SRGAP1: variants seen among roughly 807,000 people sequenced by gnomAD.
The protein encoded by SRGAP1 is SLIT-ROBO Rho GTPase activating protein 1.
Under a neutral mutation model 121.9 loss-of-function variants are expected in SRGAP1, and 43 were observed. That is an observed-to-expected ratio of 0.35 (90% CI 0.28 to 0.46). The LOEUF (loss-of-function observed/expected upper bound fraction) is 0.46. Among genes scored for constraint, SRGAP1 ranks in the 20% least tolerant of loss-of-function variants. The pLI is 1.00. For missense variants in SRGAP1, 1,102 were observed against 1,350.9 expected (o/e 0.82, Z 2.89); for synonymous variants, 447 against 485.4 (o/e 0.92, Z 1.04).
intron 15 of SRGAP1, among the ~76,000 whole-genome samples, chr12:64,106,046 G>A (rs2036340006): frequency 6.6e-6 from 1 of 152,234 alleles, no homozygotes; most frequent in African/African-American, 2.4e-5. Flanking sequence ...TAGAGACAAT[G>A]TATTCCTCTG....
At chr12:63,879,539 CAT>C (rs1900127615) in intron 1 of SRGAP1, 1 of 152,182 alleles carries the variant, frequency 6.6e-6, no homozygotes, top group African/African-American at 2.4e-5. Flanking sequence ...CCAATAAACA[CAT>C]ACATTTTCTA....
intron 19 of SRGAP1, among the ~76,000 whole-genome samples, chr12:64,127,035 C>T (rs897983254): frequency 4.6e-5 from 7 of 152,124 alleles, no homozygotes; most frequent in Non-Finnish European, 1.0e-4. Flanking sequence ...TTACAACTGC[C>T]TGTAGCATTC....
intron 1 of SRGAP1, among the ~76,000 whole-genome samples, chr12:63,940,092 G>C (rs1020052600): frequency 6.6e-6 from 1 of 152,034 alleles, no homozygotes; most frequent in Admixed American, 6.5e-5. Flanking sequence ...CTCCCAAGTA[G>C]CTGAGATTAC....
At chr12:64,040,825 A>G (rs2035001889) in intron 4 of SRGAP1, among the ~76,000 whole-genome samples, 1 of 152,312 alleles carries the variant, frequency 6.6e-6, no homozygotes, top group African/African-American at 2.4e-5. Flanking sequence ...AGATCAGTTT[A>G]TTTTAATTAG....
At chr12:63,848,690 G>C (rs1592877197) in intron 1 of SRGAP1, among the ~76,000 whole-genome samples, 1 of 152,008 alleles carries the variant, frequency 6.6e-6, no homozygotes, top group Non-Finnish European at 1.5e-5. Flanking sequence ...AAATACAAGC[G>C]TGCACCACCA....
chr12:64,032,435 A>G, intron 4 of SRGAP1: 1 of 687,256 alleles, frequency 1.5e-6, no homozygotes, highest in Admixed American at 2.2e-5. Context: ...GGGCTGAGAG[A>G]GATCCTGAGT....
chr12:63,976,603 T>C (rs532987059), intron 1 of SRGAP1, among the ~76,000 whole-genome samples: 28 of 152,340 alleles, frequency 1.8e-4, no homozygotes, highest in African/African-American at 6.3e-4. Flanking sequence ...TCAATAAATA[T>C]TTTTTAATGA....
chr12:63,932,119 T>C (rs1037090975), intron 1 of SRGAP1, among the ~76,000 whole-genome samples: 1 of 151,176 alleles, frequency 6.6e-6, no homozygotes, highest in Non-Finnish European at 1.5e-5. Flanking sequence ...CTACTAAAAA[T>C]ACAAAAAAAA....
intron 4 of SRGAP1, among the ~76,000 whole-genome samples, chr12:64,018,477 C>T (rs896209553): frequency 6.6e-6 from 1 of 152,094 alleles, no homozygotes; most frequent in East Asian, 1.9e-4. Flanking sequence ...TAAAAAGGCA[C>T]GTGTGTAAAA....
intron 4 of SRGAP1, chr12:64,038,920 T>C (rs555535774): frequency 6.6e-6 from 1 of 152,326 alleles, no homozygotes; most frequent in African/African-American, 2.4e-5. Flanking sequence ...ATTAAGCTGG[T>C]GGAGAAGCTG....
intron 8 of SRGAP1, 49 bp from the exon 9 acceptor site, chr12:64,078,870 G>A: frequency 6.3e-7 from 1 of 1,581,006 alleles, no homozygotes; most frequent in Non-Finnish European, 8.6e-7. Context: ...CCTGTTTGTG[G>A]GATTCATGAA....
At position 63,954,307 on chromosome 12, in the gene SRGAP1, T is replaced by C. The variant is rs570324402; in HGVS notation, c.68-29640T>C. 2.0e-5 allele frequency among the ~76,000 whole-genome samples: 3 copies of C among 152,328 alleles called. No homozygotes were observed. The East Asian group carries it at 5.8e-4, about 29-fold the overall frequency. On this transcript the variant is annotated intron_variant, in intron 1 of 21. Transcript: ENST00000355086. ...ACATATTTCCTTTTCATGAAAAACT[T>C]TTCTTGCCCTAGCAATTTCTAATTT...
At chr12:64,017,356 A>G (rs1324263495) in intron 4 of SRGAP1, among the ~76,000 whole-genome samples, 1 of 152,186 alleles carries the variant, frequency 6.6e-6, no homozygotes, top group African/African-American at 2.4e-5. Flanking sequence ...GAATTCGAGA[A>G]TATTTTGTTT....
At chr12:63,897,022 A>T (rs899537731) in intron 1 of SRGAP1, among the ~76,000 whole-genome samples, 2 of 152,198 alleles carry the variant, frequency 1.3e-5, no homozygotes, top group African/African-American at 4.8e-5. Flanking sequence ...GAGGGAGATG[A>T]GTGTCAGTAT....
intron 3 of SRGAP1, among the ~76,000 whole-genome samples, chr12:64,014,472 G>A (rs2034345694): frequency 6.6e-6 from 1 of 152,180 alleles, no homozygotes; most frequent in Non-Finnish European, 1.5e-5. Context: ...GGAGGATGGA[G>A]GCTGGGAGGA....
intron 1 of SRGAP1, among the ~76,000 whole-genome samples, chr12:63,892,214 C>A (rs989480709): frequency 1.4e-4 from 22 of 152,200 alleles, no homozygotes; most frequent in African/African-American, 5.3e-4. Flanking sequence ...TCTTGAATTA[C>A]AGGGTCAACC....
chr12:64,042,986 T>G lies in SRGAP1; in HGVS notation c.672+14T>G. On this transcript the variant is annotated intron_variant, in intron 5 of 21. Coordinates refer to ENST00000355086, the MANE Select transcript of SRGAP1 (RefSeq NM_020762.4). Reference sequence around the variant, plus strand: ...ATGAAAGAAAAAGTAAGTAAAGAGATTGCAGAGCTCTTCTGCCTTCATTTG... The same window carrying G: ...ATGAAAGAAAAAGTAAGTAAAGAGAGTGCAGAGCTCTTCTGCCTTCATTTG... 1 of 1,591,556 alleles carries G rather than the reference T, an allele frequency of 6.3e-7. No homozygotes were observed. Among genetic ancestry groups the G allele is most frequent in the South Asian group, 1.1e-5 (1 of 89,870 alleles).
chr12:64,027,118 C>T (rs2034670893), intron 4 of SRGAP1, among the ~76,000 whole-genome samples: 1 of 152,094 alleles, frequency 6.6e-6, no homozygotes, highest in Admixed American at 6.5e-5. Context: ...AAAGTTAGGA[C>T]ATAATAACAG....
At chr12:63,993,621 C>T (rs2033616710) in intron 3 of SRGAP1, among the ~76,000 whole-genome samples, 1 of 152,130 alleles carries the variant, frequency 6.6e-6, no homozygotes, top group African/African-American at 2.4e-5. Context: ...ACAGCCATAT[C>T]TTATACAGTT....
Sources: allele counts gnomAD v4.1 joint callset (sites outside exome capture counted in the v4.1 genomes callset), GRCh38; gene constraint gnomAD v4.1.1; transcripts MANE v1.5; gene names NCBI Gene and HGNC (gene_info 2026-07-23, HGNC 2026-07-21).